Variants in AIM2 observed in about 807,000 individuals in gnomAD.
AIM2 encodes interferon-inducible protein AIM2.
Under a neutral mutation model 27.7 loss-of-function variants are expected in AIM2, and 30 were observed. The ratio of observed to expected loss-of-function variants is 1.08; its 90% CI spans 0.81 to 1.47. AIM2 has a LOEUF of 1.47. AIM2 is among the 40% of genes most tolerant of loss of function. AIM2 has a pLI of 0.00. For missense variants in AIM2, 358 were observed against 411.3 expected, an observed-to-expected ratio of 0.87 and a Z score of 1.12; for synonymous variants, 141 against 145.3, an observed-to-expected ratio of 0.97 and a Z score of 0.21.
At chr1:159,066,398 C>A in intron 3 of AIM2, 69 bp from the exon 4 acceptor site, 2 of 1,489,800 alleles carry the variant, frequency 1.3e-6, no homozygotes, top group Non-Finnish European at 1.8e-6. Context: ...CTTACTTCAC[C>A]TACAGTGCTA....
chr1:159,060,624 T>C (rs1450351956), downstream of AIM2, among the ~76,000 whole-genome samples: 2 of 152,358 alleles, frequency 1.3e-5, no homozygotes, highest in East Asian at 1.9e-4. Context: ...TTGCCCTTTA[T>C]GGAATGTCAT....
chr1:159,134,099 CT>C (rs1647965131), intron 1 of AIM2, among the ~76,000 whole-genome samples: 2 of 152,176 alleles, frequency 1.3e-5, no homozygotes, highest in Non-Finnish European at 2.9e-5. Flanking sequence ...ATCTTAGAGC[CT>C]TTCTTGTCAA....
intron 1 of AIM2, among the ~76,000 whole-genome samples, chr1:159,110,337 C>G (rs1448332225): frequency 1.3e-5 from 2 of 152,166 alleles, no homozygotes; most frequent in African/African-American, 4.8e-5. Context: ...CAGGAGCCAT[C>G]CTATGGCATC....
intron 1 of AIM2, among the ~76,000 whole-genome samples, chr1:159,087,629 G>A (rs12086026): frequency 1.4e-4 from 20 of 145,718 alleles, no homozygotes; most frequent in African/African-American, 5.0e-4. Context: ...CTGGAGTGCA[G>A]TGGCGTGATC....
intron 1 of AIM2, among the ~76,000 whole-genome samples, chr1:159,082,138 G>C (rs1228016673): frequency 3.3e-5 from 5 of 152,300 alleles, no homozygotes; most frequent in African/African-American, 1.2e-4. Flanking sequence ...TTAGGAATAA[G>C]AATAGAATTG....
chr1:159,056,734 A>C, the AIM2 span, among the ~76,000 whole-genome samples: 234 of 149,702 alleles, frequency 1.6e-3, 4 homozygotes, highest in African/African-American at 5.4e-3. Context: ...AAAAAAAAAA[A>C]AAAAAAAAAA....
intron 1 of AIM2, among the ~76,000 whole-genome samples, chr1:159,128,160 T>C (rs1312431781): frequency 6.6e-6 from 1 of 152,024 alleles, no homozygotes; most frequent in Non-Finnish European, 1.5e-5. Flanking sequence ...ATAAAATAGT[T>C]GCCAGATATG....
upstream of AIM2, among the ~76,000 whole-genome samples, chr1:159,144,045 A>G (rs1648161692): frequency 6.6e-6 from 1 of 152,222 alleles, no homozygotes; most frequent in African/African-American, 2.4e-5. Context: ...AGACTCTGAG[A>G]AAATTGCTTA....
intron 1 of AIM2, among the ~76,000 whole-genome samples, chr1:159,087,288 G>T (rs1656936989): frequency 6.6e-6 from 1 of 151,422 alleles, no homozygotes; most frequent in Non-Finnish European, 1.5e-5. Flanking sequence ...CTGAGTCAGG[G>T]TGATGGTAAG....
the AIM2 span, among the ~76,000 whole-genome samples, chr1:159,056,789 C>G: frequency 1.4e-5 from 2 of 147,810 alleles, no homozygotes. Context: ...GGTTCCCTTC[C>G]CCTGAGCCCA....
intron 1 of AIM2, among the ~76,000 whole-genome samples, chr1:159,126,167 C>T (rs1004942886): frequency 6.6e-6 from 1 of 152,170 alleles, no homozygotes; most frequent in Non-Finnish European, 1.5e-5. Context: ...GTGATGAGAG[C>T]TATTTCCTGT....
chr1:159,104,657 C>T (rs2814756), intron 1 of AIM2, among the ~76,000 whole-genome samples: 128,775 of 152,162 alleles, frequency 0.85, 56,291 homozygotes, highest in East Asian at 1. Context: ...TTTGGATATA[C>T]TGGGTTTAAT....
At chr1:159,093,877 A>G (rs570729436) in intron 1 of AIM2, among the ~76,000 whole-genome samples, 1 of 148,704 alleles carries the variant, frequency 6.7e-6, no homozygotes, top group Non-Finnish European at 1.5e-5. Context: ...CTGGGATCAC[A>G]GGCGCCTACC....
downstream of AIM2, among the ~76,000 whole-genome samples, chr1:159,058,501 A>G (rs1253564708): frequency 6.6e-6 from 1 of 151,962 alleles, no homozygotes; most frequent in Non-Finnish European, 1.5e-5. Context: ...GAGGGTGATG[A>G]GGAGCCACTG....
rs562344003 is a variant in AIM2, at chr1:159,127,746, C to T, written c.-16+12685G>A. On this transcript the variant is annotated intron_variant, in intron 1 of 2. Transcript: ENST00000368129. ...TGGGTCAGCAAGTGGGCCCTCACCA[C>T]ACACTGTATCTGCCTTGACCTTGGA... is the stretch of plus-strand genomic sequence containing the variant. Among the ~76,000 whole-genome samples the T allele has an allele frequency of 1.5e-4, 23 of 152,306 alleles. No individual in the cohort carries two copies. In the East Asian group the frequency reaches 4.1e-3, roughly 27 times the overall value.
intron 1 of AIM2, among the ~76,000 whole-genome samples, chr1:159,082,860 T>C (rs575183680): frequency 1.1e-3 from 161 of 152,280 alleles, no homozygotes; most frequent in Non-Finnish European, 2.0e-3. Flanking sequence ...CCTTGACTTG[T>C]ACACAGCTAG....
At chr1:159,102,433 G>A (rs930866228) in intron 1 of AIM2, among the ~76,000 whole-genome samples, 1 of 152,242 alleles carries the variant, frequency 6.6e-6, no homozygotes, top group African/African-American at 2.4e-5. Flanking sequence ...TCCCTACTGG[G>A]GCACTGGCTA....
chr1:159,140,268 A>C (rs950548356), intron 1 of AIM2, among the ~76,000 whole-genome samples: 3 of 152,210 alleles, frequency 2.0e-5, no homozygotes, highest in Non-Finnish European at 4.4e-5. Flanking sequence ...CAGAAATGTA[A>C]AGCTATGTTA....
At chr1:159,143,681 T>G (rs2102061775), upstream of AIM2, among the ~76,000 whole-genome samples, 1 of 151,972 alleles carries the variant, frequency 6.6e-6, no homozygotes, top group South Asian at 2.1e-4. Flanking sequence ...ATCAGCCCCC[T>G]GAGTGACGTC....
Sources: gnomAD v4.1 joint callset for allele counts (sites outside exome capture counted in the v4.1 genomes callset) on GRCh38, gnomAD v4.1.1 for gene constraint, MANE v1.5 for transcripts, NCBI Gene and HGNC (gene_info 2026-07-23, HGNC 2026-07-21) for gene names.